The following KIRREL1 variants were observed in gnomAD, a reference collection of about 807,000 sequenced individuals.
KIRREL1 encodes kin of IRRE-like protein 1.
In KIRREL1, 25 loss-of-function variants were observed where a neutral mutation model predicts 83.3. The ratio of observed to expected loss-of-function variants is 0.30; its 90% CI spans 0.22 to 0.42. KIRREL1 has a LOEUF of 0.42. KIRREL1 is among the 10% of genes least tolerant of loss of function. KIRREL1 has a pLI of 1.00. For missense variants in KIRREL1, 812 were observed against 1,032.3 expected, an observed-to-expected ratio of 0.79 and a Z score of 2.92; for synonymous variants, 388 against 410.4, an observed-to-expected ratio of 0.95 and a Z score of 0.66.
At position 158,063,443 on chromosome 1, in the gene KIRREL1, C is replaced by G. The variant is rs139120817; in HGVS notation, c.53-12670C>G. ...TGCATGGGTTCCCACATCATTGCCC[C>G]CCATCAAGTCGGCCCTGATTTCATC... is the stretch of plus-strand genomic sequence containing the variant. On this transcript the variant is annotated intron_variant, in intron 1 of 14. Coordinates refer to ENST00000359209, the MANE Select transcript of KIRREL1 (RefSeq NM_018240.7). 1.4e-3 allele frequency among the ~76,000 whole-genome samples: 213 copies of G among 152,330 alleles called. 2 individuals carry two copies. Among genetic ancestry groups the G allele is most frequent in the African/African-American group, 5.0e-3 (209 of 41,584 alleles).
At chr1:158,079,598 G>C (rs1661785700) in intron 3 of KIRREL1, among the ~76,000 whole-genome samples, 1 of 152,264 alleles carries the variant, frequency 6.6e-6, no homozygotes, top group Non-Finnish European at 1.5e-5. Flanking sequence ...TGGGATTACA[G>C]GCATGGGCCA....
At position 158,063,958 on chromosome 1, in the gene KIRREL1, G is replaced by A. The variant is rs373386802; in HGVS notation, c.53-12155G>A. 3.9e-5 allele frequency among the ~76,000 whole-genome samples: 6 copies of A among 152,166 alleles called. No individual in the cohort carries two copies. In the South Asian group the frequency reaches 6.2e-4, roughly 16 times the overall value. The stretch of plus-strand genomic sequence containing the variant: ...TGTCGTGTTCACCTTTGTATTCCAG[G>A]GTCCAGGACAGTGTACAGTATGGTA... On this transcript the variant is annotated intron_variant, in intron 1 of 14. Transcript: ENST00000359209.
chr1:158,033,705 G>T (rs1368865076), intron 1 of KIRREL1, among the ~76,000 whole-genome samples: 1 of 152,202 alleles, frequency 6.6e-6, no homozygotes, highest in African/African-American at 2.4e-5. Context: ...TTTCGGCCGG[G>T]CATGGTGACT....
chr1:158,092,767 G>A (rs541724485), intron 11 of KIRREL1, among the ~76,000 whole-genome samples: 1 of 152,278 alleles, frequency 6.6e-6, no homozygotes, highest in East Asian at 1.9e-4. Context: ...CTATAAGCAG[G>A]ATCTGGATTC....
At chr1:158,054,605 A>G (rs979819974) in intron 1 of KIRREL1, among the ~76,000 whole-genome samples, 9 of 152,126 alleles carry the variant, frequency 5.9e-5, no homozygotes, top group Admixed American at 1.3e-4. Flanking sequence ...CATTCACTTT[A>G]CAGATGGGGA....
At chr1:158,050,438 A>G (rs991339797) in intron 1 of KIRREL1, among the ~76,000 whole-genome samples, 3 of 152,036 alleles carry the variant, frequency 2.0e-5, no homozygotes, top group African/African-American at 7.2e-5. Context: ...TGGACTTATA[A>G]TGAGGTGCTA....
chr1:158,048,169 A>G (rs755687570), intron 1 of KIRREL1, among the ~76,000 whole-genome samples: 3 of 152,220 alleles, frequency 2.0e-5, no homozygotes, highest in Admixed American at 6.5e-5. Flanking sequence ...ATTGCGTCCA[A>G]AAAATTAGGG....
chr1:158,041,740 C>T (rs565722126), intron 1 of KIRREL1, among the ~76,000 whole-genome samples: 5 of 152,244 alleles, frequency 3.3e-5, no homozygotes, highest in East Asian at 1.9e-4. Context: ...CTACTGTGTG[C>T]GTGATGGTGA....
At chr1:158,093,884 C>A (rs1662278294) in intron 13 of KIRREL1, 122 bp downstream of exon 13, 1 of 1,020,084 alleles carries the variant, frequency 9.8e-7, no homozygotes, top group Non-Finnish European at 1.5e-6. Context: ...CTGGTCCTGC[C>A]ACACACACTC....
chr1:158,058,286 T>C (rs1661120983), intron 1 of KIRREL1, among the ~76,000 whole-genome samples: 2 of 152,140 alleles, frequency 1.3e-5, no homozygotes, highest in African/African-American at 2.4e-5. Flanking sequence ...TCTAACTTCC[T>C]AGGAAGACAA....
In KIRREL1 at chr1:158,084,364, G is replaced by A. The variant is rs147112292; in HGVS notation, c.353-58G>A. 161 of 1,474,784 alleles carry A rather than the reference G, an allele frequency of 1.1e-4. No homozygotes were observed. In the East Asian group the frequency reaches 3.5e-3, roughly 32 times the overall value. The allele number at this position is 1,474,784 out of a possible 1,614,324, so 91.4% of individuals were successfully genotyped here. On this transcript the variant is annotated intron_variant, in intron 3 of 14. Transcript: ENST00000359209. ...GATGCTTCCAGAGGCAGGAGTTTTG[G>A]TCTTCAGGGAAGTGTTAGCCACACC...
In KIRREL1 at chr1:158,094,988, T is replaced by A. The variant is rs776484511; in HGVS notation, c.2142T>A (p.Ser714=). ...TGGGCTACCCCCAGGCCCCACCCTC[T>A]GGCCTGGAGCGGACCCCATATGAGG... The part of the protein sequence containing the change: ...YRLGYPQAPP[S]GLERTPYEAY... The change falls in exon 15 of 15, where the codon TCT becomes TCA. Residue 714 remains serine, a synonymous_variant. Transcript: ENST00000359209. The surrounding 1 kb of genome is among the most constrained non-coding windows in gnomAD (Gnocchi z 4.6). The A allele has an allele frequency of 6.7e-5, 108 of 1,613,826 alleles. No homozygotes were observed. Among genetic ancestry groups the A allele is most frequent in the Non-Finnish European group, 8.9e-5 (105 of 1,179,934 alleles).
Position 158,091,478 on chromosome 1 carries a change from G to A in KIRREL1, c.1393G>A (p.Asp465Asn), listed in dbSNP as rs1226150253. Residue 465 changes from aspartate to asparagine, a missense_variant, in exon 11 of 15, where the codon GAC (aspartate) becomes AAC (asparagine). By Grantham distance (23) the Asp-to-Asn change is conservative. Coordinates refer to ENST00000359209, the MANE Select transcript of KIRREL1 (RefSeq NM_018240.7). ...CACCATCAACAATGTCATGGAGGCCGACTTTCAGACTCACTACAACTGCAC... is the reference window on the plus strand; with the variant it reads ...CACCATCAACAATGTCATGGAGGCCAACTTTCAGACTCACTACAACTGCAC... The part of the protein sequence containing the change: ...TLTINNVMEA[D>N]FQTHYNCTAW... The A allele has an allele frequency of 3.1e-6, 5 of 1,614,244 alleles. No individual in the cohort carries two copies. The highest frequency in any genetic ancestry group is 1.7e-5 in the Admixed American group (1 of 60,030).
chr1:158,032,644 C>A (rs1660359468), intron 1 of KIRREL1, among the ~76,000 whole-genome samples: 1 of 152,218 alleles, frequency 6.6e-6, no homozygotes, highest in South Asian at 2.1e-4. Flanking sequence ...CTGGATATCC[C>A]TTCCTTTAAC....
At chr1:158,058,987 C>T (rs1661140536) in intron 1 of KIRREL1, among the ~76,000 whole-genome samples, 1 of 152,140 alleles carries the variant, frequency 6.6e-6, no homozygotes, top group African/African-American at 2.4e-5. Context: ...TGGCAGGACC[C>T]GGAGGGAGAG....
intron 1 of KIRREL1, among the ~76,000 whole-genome samples, chr1:158,016,187 C>T (rs1270249401): frequency 6.6e-6 from 1 of 151,862 alleles, no homozygotes; most frequent in Non-Finnish European, 1.5e-5. Flanking sequence ...GCCTGTAGTC[C>T]CAGCTACTCA....
rs1164199983 is a variant in KIRREL1, at chr1:158,098,778, C to T, written c.*3658C>T. The T allele has an allele frequency of 1.3e-5, 2 of 152,156 alleles. No individual in the cohort carries two copies. Among genetic ancestry groups the T allele is most frequent in the East Asian group, 3.9e-4 (2 of 5,190 alleles). 9.4% of individuals were successfully genotyped at this position (152,156 alleles called of 1,614,324 possible). ...GCTTGGAATGAAAACATCTGAGCAC[C>T]CTGTCTTCAAGCGGTACGCTCTCCC... On this transcript the variant is annotated 3_prime_UTR_variant, in exon 15 of 15. Coordinates refer to ENST00000359209, the MANE Select transcript of KIRREL1 (RefSeq NM_018240.7).
chr1:158,004,772 C>T (rs776182790), intron 1 of KIRREL1, among the ~76,000 whole-genome samples: 2 of 151,892 alleles, frequency 1.3e-5, no homozygotes. Context: ...GGTGAAACAC[C>T]GTCTCTACTA....
intron 1 of KIRREL1, among the ~76,000 whole-genome samples, chr1:158,052,764 C>T (rs560040856): frequency 7.9e-5 from 12 of 151,988 alleles, no homozygotes; most frequent in East Asian, 1.9e-4. Context: ...CCAGCCTGGG[C>T]GACAGAGCAA....
Sources: allele counts gnomAD v4.1 joint callset (sites outside exome capture counted in the v4.1 genomes callset), GRCh38; gene constraint gnomAD v4.1.1; non-coding constraint Gnocchi (gnomAD v3.1); transcripts MANE v1.5; gene names NCBI Gene and HGNC (gene_info 2026-07-23, HGNC 2026-07-21).